The following TBC1D32 variants were observed in gnomAD, a reference collection of about 807,000 sequenced individuals.
TBC1D32 encodes protein broad-minded.
TBC1D32 carries 151 observed loss-of-function variants against 170.3 expected under a neutral mutation model. That is an observed-to-expected ratio of 0.89 (90% CI 0.78 to 1.01). The LOEUF is 1.01. TBC1D32 is among the 50% of genes least tolerant of loss of function. The pLI, the probability that TBC1D32 is intolerant of heterozygous loss-of-function variation, is 0.00. For missense variants in TBC1D32, 1,464 were observed against 1,457.1 expected, an observed-to-expected ratio of 1.00 and a Z score of -0.08; for synonymous variants, 498 against 488.0, an observed-to-expected ratio of 1.02 and a Z score of -0.27.
intron 24 of TBC1D32, among the ~76,000 whole-genome samples, chr6:121,139,220 T>C (rs1782503631): frequency 1.3e-5 from 2 of 152,218 alleles, no homozygotes; most frequent in African/African-American, 4.8e-5. Context: ...GGGGAATTAG[T>C]AATCCTAAAT....
At chr6:121,294,009 G>A (rs1805250906) in intron 11 of TBC1D32, among the ~76,000 whole-genome samples, 1 of 151,758 alleles carries the variant, frequency 6.6e-6, no homozygotes, top group Non-Finnish European at 1.5e-5. Flanking sequence ...TAAAAATAAT[G>A]TTGTATAGGC....
At chr6:121,281,054 T>TAA (rs1802913621) in intron 14 of TBC1D32, among the ~76,000 whole-genome samples, 1 of 151,774 alleles carries the variant, frequency 6.6e-6, no homozygotes, top group South Asian at 2.1e-4. Flanking sequence ...TTATATAATG[T>TAA]AAGGGAATAT....
At chr6:121,307,797 G>C (rs1005676985) in intron 5 of TBC1D32, among the ~76,000 whole-genome samples, 179 bp downstream of exon 5, 1 of 152,116 alleles carries the variant, frequency 6.6e-6, no homozygotes, top group Non-Finnish European at 1.5e-5. Flanking sequence ...GGGAGGCAGA[G>C]GTTAAAGTGA....
chr6:121,205,573 A>G (rs1479078355), intron 21 of TBC1D32, among the ~76,000 whole-genome samples: 3 of 152,228 alleles, frequency 2.0e-5, no homozygotes, highest in Admixed American at 6.5e-5. Flanking sequence ...AGAAGAATGA[A>G]CAACGGATCA....
chr6:121,128,838 T>G (rs1036620409), intron 25 of TBC1D32, among the ~76,000 whole-genome samples: 2 of 152,146 alleles, frequency 1.3e-5, no homozygotes, highest in Admixed American at 6.6e-5. Context: ...CCCTGAAAAT[T>G]TCTTACGTTA....
intron 26 of TBC1D32, among the ~76,000 whole-genome samples, chr6:121,118,831 T>C (rs1260129859): frequency 6.6e-6 from 1 of 152,194 alleles, no homozygotes; most frequent in East Asian, 1.9e-4. Context: ...ATTGTATCCA[T>C]GCATTTTATT....
intron 25 of TBC1D32, among the ~76,000 whole-genome samples, chr6:121,128,567 T>A (rs185780945): frequency 6.6e-6 from 1 of 152,164 alleles, no homozygotes; most frequent in Non-Finnish European, 1.5e-5. Flanking sequence ...AAAGTAAATT[T>A]TTACATTTTA....
intron 15 of TBC1D32, among the ~76,000 whole-genome samples, chr6:121,265,855 A>G (rs1032933289): frequency 6.6e-6 from 1 of 152,182 alleles, no homozygotes; most frequent in Admixed American, 6.5e-5. Context: ...TGGTGGTGGG[A>G]AAACTGGCTA....
chr6:121,275,739 C>T (rs2128435654), intron 15 of TBC1D32, among the ~76,000 whole-genome samples: 1 of 152,226 alleles, frequency 6.6e-6, no homozygotes, highest in South Asian at 2.1e-4. Flanking sequence ...TCTGACCCAG[C>T]AATATCACTT....
rs757248814 is a variant in TBC1D32, at chr6:121,205,080, A to G, written c.2565T>C (p.Gly855=). 1.3e-6 allele frequency: 2 copies of G among 1,506,730 alleles called. No individual in the cohort carries two copies. The highest frequency in any genetic ancestry group is 1.8e-6 in the Non-Finnish European group (2 of 1,113,664). The allele number at this position is 1,506,730 out of a possible 1,614,324, so 93.3% of individuals were successfully genotyped here. A position where few individuals can be genotyped will look rare whatever the true frequency, so the allele number is the denominator to read the frequency against. Residue 855 remains glycine (G), a synonymous_variant, in exon 22 of 32, where the codon GGT becomes GGC. Coordinates refer to ENST00000398212, the MANE Select transcript of TBC1D32 (RefSeq NM_152730.6). ...LFNYEQSHIF[G]LRDFIIDGLS... The stretch of plus-strand genomic sequence containing the variant: ...AGTAAAATGTAGCATTTTACCTTAG[A>G]CCAAAGATATGTGATTGTTCATAGT...
At chr6:121,089,894 C>T (rs918939399) in intron 31 of TBC1D32, among the ~76,000 whole-genome samples, 1 of 150,262 alleles carries the variant, frequency 6.7e-6, no homozygotes, top group African/African-American at 2.4e-5. Flanking sequence ...TGTGGGATGG[C>T]AAAGGTAGTA....
At chr6:121,272,512 T>C (rs1180710056) in intron 15 of TBC1D32, among the ~76,000 whole-genome samples, 1 of 152,130 alleles carries the variant, frequency 6.6e-6, no homozygotes, top group Non-Finnish European at 1.5e-5. Flanking sequence ...GAAAAAATGC[T>C]CATCATCACC....
intron 22 of TBC1D32, among the ~76,000 whole-genome samples, chr6:121,202,790 T>C (rs1328766636): frequency 6.6e-6 from 1 of 151,244 alleles, no homozygotes; most frequent in Admixed American, 6.6e-5. Context: ...TTCTTGAGTA[T>C]TAGTCATTTA....
At chr6:121,264,091 G>A (rs1800130099) in intron 15 of TBC1D32, among the ~76,000 whole-genome samples, 1 of 151,990 alleles carries the variant, frequency 6.6e-6, no homozygotes, top group South Asian at 2.1e-4. Context: ...GAACAGAGCA[G>A]AAATGAAGGA....
At chr6:121,290,692 C>G (rs1258805128) in intron 12 of TBC1D32, among the ~76,000 whole-genome samples, 1 of 152,004 alleles carries the variant, frequency 6.6e-6, no homozygotes. Context: ...TATAAAGACA[C>G]ATGCACACAT....
intron 1 of TBC1D32, 144 bp downstream of exon 1, chr6:121,334,132 G>A (rs1163882341): frequency 3.2e-6 from 2 of 634,708 alleles, no homozygotes; most frequent in East Asian, 5.9e-5. Context: ...AAATAAATTC[G>A]ACGTTTTGGC....
intron 30 of TBC1D32, among the ~76,000 whole-genome samples, chr6:121,105,601 A>T (rs1180591379): frequency 6.6e-6 from 1 of 151,936 alleles, no homozygotes; most frequent in Non-Finnish European, 1.5e-5. Flanking sequence ...AAAAAACATT[A>T]AGCCTTCCTA....
At chr6:121,153,892 G>A (rs1048088476) in intron 24 of TBC1D32, among the ~76,000 whole-genome samples, 1 of 152,126 alleles carries the variant, frequency 6.6e-6, no homozygotes, top group African/African-American at 2.4e-5. Flanking sequence ...TACTGTCAGT[G>A]AGAATTTCAA....
chr6:121,215,438 T>C (rs995177952), intron 21 of TBC1D32, among the ~76,000 whole-genome samples: 7 of 152,346 alleles, frequency 4.6e-5, no homozygotes, highest in Admixed American at 3.3e-4. Flanking sequence ...CTGCTCCAGA[T>C]GGGCCACCAC....
Sources: gnomAD v4.1 joint callset for allele counts (sites outside exome capture counted in the v4.1 genomes callset) on GRCh38, gnomAD v4.1.1 for gene constraint, MANE v1.5 for transcripts, NCBI Gene and HGNC (gene_info 2026-07-23, HGNC 2026-07-21) for gene names.